WWP2: variants seen among roughly 807,000 people sequenced by gnomAD.
WWP2 encodes the protein WW domain containing E3 ubiquitin protein ligase 2, also known as NEDD4-like E3 ubiquitin-protein ligase WWP2.
In WWP2, 57 loss-of-function variants were observed where a neutral mutation model predicts 121.0. The ratio of observed to expected loss-of-function variants is 0.47; its 90% confidence interval spans 0.38 to 0.59. The LOEUF (loss-of-function observed/expected upper bound fraction) is 0.59, where lower values mean the gene tolerates loss of function less well. Ranked by LOEUF, WWP2 falls within the 20% of genes least tolerant of loss-of-function variation. The pLI, the probability that WWP2 is intolerant of heterozygous loss-of-function variation, is 0.00. For missense variants in WWP2, 962 were observed against 1,158.9 expected (o/e 0.83, Z 2.47); for synonymous variants, 449 against 441.3 (o/e 1.02, Z -0.22).
chr16:69,888,870 A>AT (rs1470464874), intron 8 of WWP2, among the ~76,000 whole-genome samples: 3 of 151,928 alleles, frequency 2.0e-5, no homozygotes, highest in African/African-American at 7.3e-5. Flanking sequence ...ACACTGGCTA[A>AT]TTTTTTTGTA....
At chr16:69,932,475 G>C (rs79943852) in intron 16 of WWP2, among the ~76,000 whole-genome samples, 2,166 of 152,350 alleles carry the variant, frequency 0.014, 29 homozygotes, top group Non-Finnish European at 0.022. Flanking sequence ...CTCCTGGGAG[G>C]GGCGAGAGCT....
intron 4 of WWP2, among the ~76,000 whole-genome samples, chr16:69,817,378 A>G (rs1308453892): frequency 2.0e-5 from 3 of 152,012 alleles, no homozygotes; most frequent in African/African-American, 7.3e-5. Flanking sequence ...CCTCCCGAAT[A>G]GTTGGGATTA....
chr16:69,764,929 CATG>C (rs2038695733), intron 1 of WWP2, among the ~76,000 whole-genome samples: 2 of 152,234 alleles, frequency 1.3e-5, no homozygotes, highest in Non-Finnish European at 2.9e-5. Flanking sequence ...GTTGGTCAGA[CATG>C]GTGGCTCATG....
At chr16:69,903,712 G>A (rs1298645349) in intron 8 of WWP2, among the ~76,000 whole-genome samples, 1 of 150,850 alleles carries the variant, frequency 6.6e-6, no homozygotes, top group Non-Finnish European at 1.5e-5. Flanking sequence ...AGGTTGCAGT[G>A]AGCCGAGATT....
chr16:69,778,934 C>A (rs1265418159), intron 1 of WWP2, among the ~76,000 whole-genome samples: 1 of 86,288 alleles, frequency 1.2e-5, no homozygotes, highest in Admixed American at 1.3e-4. Context: ...AGCTGTCACA[C>A]CTGGCCGGTT....
chr16:69,787,074 T>A lies in WWP2; in HGVS notation c.64T>A (p.Leu22Met), dbSNP rs770299956. 3 of 1,613,366 alleles carry A rather than the reference T, an allele frequency of 1.9e-6. No homozygotes were observed. The highest frequency in any genetic ancestry group is 1.7e-6 in the Non-Finnish European group (2 of 1,179,702). Residue 22 changes from leucine to methionine, a missense_variant, in exon 2 of 24, where the codon TTG becomes ATG. Transcript: ENST00000359154. ...ALPFEKSQLTLKVVSAKPKVH... is the reference protein window; with the variant it reads ...ALPFEKSQLTMKVVSAKPKVH... Reference sequence around the variant, plus strand: ...GCCTTTTGAGAAGTCTCAGCTCACTTTGAAAGGTGAGTGGCACTGTATAAT... The same window carrying A: ...GCCTTTTGAGAAGTCTCAGCTCACTATGAAAGGTGAGTGGCACTGTATAAT...
chr16:69,859,868 C>A (rs1188117215), intron 6 of WWP2, among the ~76,000 whole-genome samples: 1 of 151,354 alleles, frequency 6.6e-6, no homozygotes, highest in Non-Finnish European at 1.5e-5. Context: ...CACCGCCCCC[C>A]ACCCCCGCCC....
chr16:69,847,154 G>A (rs1417260169), intron 6 of WWP2, among the ~76,000 whole-genome samples: 3 of 151,936 alleles, frequency 2.0e-5, no homozygotes, highest in South Asian at 4.2e-4. Flanking sequence ...CCACGATCTC[G>A]GCTCACTATA....
At chr16:69,857,332 A>G (rs1291473584) in intron 6 of WWP2, among the ~76,000 whole-genome samples, 1 of 152,156 alleles carries the variant, frequency 6.6e-6, no homozygotes. Context: ...TGACCTCGTG[A>G]TCCACCTGCC....
chr16:69,875,690 C>T (rs180833560), intron 7 of WWP2, among the ~76,000 whole-genome samples: 15 of 152,362 alleles, frequency 9.8e-5, no homozygotes, highest in Non-Finnish European at 2.1e-4. Context: ...TAAGACACAA[C>T]TCCTAATCTA....
chr16:69,816,087 A>G (rs1224452376), intron 4 of WWP2, among the ~76,000 whole-genome samples: 1 of 152,210 alleles, frequency 6.6e-6, no homozygotes, highest in Admixed American at 6.6e-5. Flanking sequence ...GCTTCATGGT[A>G]GAAACTGCTA....
chr16:69,796,505 C>G (rs2151809673), intron 2 of WWP2, among the ~76,000 whole-genome samples: 1 of 152,356 alleles, frequency 6.6e-6, no homozygotes, highest in Non-Finnish European at 1.5e-5. Flanking sequence ...TGTTGCGGCT[C>G]ACTGCCGCTG....
At chr16:69,829,039 A>G (rs1329844370) in intron 4 of WWP2, among the ~76,000 whole-genome samples, 1 of 152,072 alleles carries the variant, frequency 6.6e-6, no homozygotes, top group Non-Finnish European at 1.5e-5. Flanking sequence ...ATTTCATCAT[A>G]TAGAGCCTCT....
At chr16:69,929,336 G>A (rs992172484) in intron 11 of WWP2, 112 bp from the exon 12 acceptor site, 6 of 941,136 alleles carry the variant, frequency 6.4e-6, no homozygotes, top group African/African-American at 1.6e-5. Context: ...CTAACAGGCT[G>A]ACAACAGGGA....
intron 7 of WWP2, among the ~76,000 whole-genome samples, chr16:69,882,314 A>G (rs2057845405): frequency 6.6e-6 from 1 of 152,046 alleles, no homozygotes; most frequent in Admixed American, 6.6e-5. Flanking sequence ...TTTATTTCAA[A>G]TATCTTTCTT....
intron 2 of WWP2, among the ~76,000 whole-genome samples, chr16:69,793,734 T>C (rs1274410916): frequency 2.6e-5 from 4 of 151,890 alleles, no homozygotes; most frequent in African/African-American, 7.3e-5. Flanking sequence ...ATGGGAGCAA[T>C]TGGGGAAGTC....
Position 69,929,511 on chromosome 16 carries a change from A to C in WWP2, c.1298A>C (p.Glu433Ala). Residue 433 changes from glutamate (E) to alanine (A), a missense_variant, in exon 12 of 24, where the codon GAG becomes GCG. Glu to Ala is a moderately radical substitution (Grantham distance 107). This residue lies in a region of WWP2 where 606 missense variants were observed against 772.6 expected (regional missense o/e 0.78). Coordinates refer to ENST00000359154, the MANE Select transcript of WWP2 (RefSeq NM_001270454.2). ...CATAACACTCGCACGACCCAGTGGG[A>C]GGATCCCCGGACCCAGGGGTAAGGA... ...VNHNTRTTQW[E>A]DPRTQGMIQE... is the part of the protein sequence containing the mutation. The C allele has an allele frequency of 6.2e-7, 1 of 1,614,060 alleles. No individual in the cohort carries two copies.
chr16:69,860,191 T>A (rs891189159), intron 6 of WWP2, among the ~76,000 whole-genome samples: 2 of 152,058 alleles, frequency 1.3e-5, no homozygotes, highest in Non-Finnish European at 2.9e-5. Context: ...GGTGGTCCGA[T>A]TCCATTCTTT....
Position 69,929,489 on chromosome 16 carries a change from A to G in WWP2, c.1276A>G (p.Asn426Asp). The G allele has an allele frequency of 1.2e-6, 2 of 1,614,112 alleles. No individual in the cohort carries two copies. Among genetic ancestry groups the G allele is most frequent in the Non-Finnish European group, 1.7e-6 (2 of 1,180,002 alleles). ...DNGRVYYVNHNTRTTQWEDPR... is the reference protein window; with the variant it reads ...DNGRVYYVNHDTRTTQWEDPR... ...TGGACGGGTGTATTACGTGAACCAT[A>G]ACACTCGCACGACCCAGTGGGAGGA... is the stretch of plus-strand genomic sequence containing the variant. The change falls in exon 12 of 24, where the codon AAC (asparagine) becomes GAC (aspartate). Residue 426 changes from asparagine to aspartate, a missense_variant. By Grantham distance (23) the Asn-to-Asp change is conservative. Coordinates refer to ENST00000359154, the MANE Select transcript of WWP2 (RefSeq NM_001270454.2).
Sources: allele counts gnomAD v4.1 joint callset (sites outside exome capture counted in the v4.1 genomes callset), GRCh38; gene constraint gnomAD v4.1.1; regional missense constraint gnomAD v4.1.1; transcripts MANE v1.5; gene names NCBI Gene and HGNC (gene_info 2026-07-23, HGNC 2026-07-21).